The following ACSL5 variants were observed in gnomAD, a reference collection of about 807,000 sequenced individuals.
ACSL5 encodes long-chain-fatty-acid--CoA ligase 5.
A neutral mutation model predicts 84.9 loss-of-function variants in ACSL5; 50 were observed. The ratio of observed to expected loss-of-function variants is 0.59; its 90% CI spans 0.47 to 0.75. ACSL5 has a LOEUF of 0.75. ACSL5 is among the 30% of genes least tolerant of loss of function. The probability of loss-of-function intolerance (pLI) is 0.00; values close to 1 mark genes in which losing one functional copy is unlikely to be tolerated. For missense variants in ACSL5, 775 were observed against 830.4 expected (o/e 0.93, Z 0.82); for synonymous variants, 280 against 300.7 (o/e 0.93, Z 0.71).
intron 1 of ACSL5, chr10:112,394,640 G>C: frequency 1.3e-6 from 1 of 749,240 alleles, no homozygotes; most frequent in Non-Finnish European, 1.6e-6. Flanking sequence ...AAAATTGTTT[G>C]GGAAATGATT....
chr10:112,382,110 C>T (rs1037768943), intron 1 of ACSL5, among the ~76,000 whole-genome samples: 1 of 152,168 alleles, frequency 6.6e-6, no homozygotes, highest in South Asian at 2.1e-4. Flanking sequence ...GTGCTAAACA[C>T]ACTGCCTGGC....
intron 3 of ACSL5, 70 bp from the exon 4 acceptor site, chr10:112,404,441 C>A: frequency 8.3e-7 from 1 of 1,211,770 alleles, no homozygotes; most frequent in Non-Finnish European, 1.2e-6. Flanking sequence ...CCTTCTTAAT[C>A]TCCTTTTAGC....
intron 2 of ACSL5, 83 bp from the exon 3 acceptor site, chr10:112,398,817 TG>T: frequency 8.6e-7 from 1 of 1,164,236 alleles, no homozygotes; most frequent in Non-Finnish European, 1.3e-6. Context: ...TCGGCATTTA[TG>T]GTCTCTTTAA....
intron 14 of ACSL5, among the ~76,000 whole-genome samples, chr10:112,421,357 C>T (rs1589698715): frequency 1.3e-5 from 2 of 151,942 alleles, no homozygotes; most frequent in African/African-American, 2.4e-5. Flanking sequence ...GATGGGGTTT[C>T]ACCATGTTGG....
intron 14 of ACSL5, chr10:112,419,465 G>T (rs961586393): frequency 6.6e-6 from 1 of 152,106 alleles, no homozygotes; most frequent in African/African-American, 2.4e-5. Flanking sequence ...TATTTGAAAT[G>T]CTTGGGACTA....
chr10:112,411,573 C>T lies in ACSL5; in HGVS notation c.870+44C>T, dbSNP rs946292500. The T allele has an allele frequency of 2.6e-6, 4 of 1,556,316 alleles. No individual in the cohort carries two copies. In the East Asian group the frequency reaches 9.0e-5, roughly 35 times the overall value. On this transcript the variant is annotated intron_variant, in intron 10 of 20. Transcript: ENST00000354655. ...AAGAGGCTCTCATTAAAATGTGAAT[C>T]TGTCATAAGATTTTTATTTTTGAGG...
chr10:112,385,264 C>A (rs1413438034), intron 1 of ACSL5, among the ~76,000 whole-genome samples: 3 of 152,154 alleles, frequency 2.0e-5, no homozygotes, highest in Non-Finnish European at 4.4e-5. Flanking sequence ...TTATCTGCCC[C>A]AGGTCACAAA....
At chr10:112,418,936 A>G (rs1246355677) in intron 14 of ACSL5, 2 of 152,156 alleles carry the variant, frequency 1.3e-5, no homozygotes, top group African/African-American at 2.4e-5. Flanking sequence ...GAGCTGTGCC[A>G]TACAAACTTG....
chr10:112,422,538 C>G (rs1844491506), intron 17 of ACSL5, 97 bp downstream of exon 17: 6 of 1,115,370 alleles, frequency 5.4e-6, no homozygotes, highest in Non-Finnish European at 6.6e-6. Flanking sequence ...GTAGGTTAAT[C>G]AGCTGAGGCA....
At chr10:112,378,047 C>G (rs1012704782) in intron 1 of ACSL5, among the ~76,000 whole-genome samples, 1 of 152,022 alleles carries the variant, frequency 6.6e-6, no homozygotes, top group Non-Finnish European at 1.5e-5. Context: ...ACACCAACAA[C>G]AACATCAGCG....
chr10:112,388,852 C>T (rs1849503980), intron 1 of ACSL5, among the ~76,000 whole-genome samples: 1 of 152,186 alleles, frequency 6.6e-6, no homozygotes, highest in Non-Finnish European at 1.5e-5. Context: ...ATCAGCAATA[C>T]ACAACCATTT....
At chr10:112,375,757 C>A (rs1172941908) in intron 1 of ACSL5, among the ~76,000 whole-genome samples, 1 of 152,164 alleles carries the variant, frequency 6.6e-6, no homozygotes, top group African/African-American at 2.4e-5. Context: ...AGAAACCATG[C>A]CAATTGAACG....
intron 1 of ACSL5, among the ~76,000 whole-genome samples, chr10:112,378,643 G>C (rs1057087840): frequency 2.0e-5 from 3 of 152,154 alleles, no homozygotes; most frequent in African/African-American, 7.2e-5. Context: ...CCCTCAGCTG[G>C]AGTGCAGTCA....
At chr10:112,423,674 G>A (rs1844564057) in intron 17 of ACSL5, among the ~76,000 whole-genome samples, 1 of 152,088 alleles carries the variant, frequency 6.6e-6, no homozygotes, top group African/African-American at 2.4e-5. Flanking sequence ...TCTTTAACAG[G>A]TCAGGTAGAC....
intron 1 of ACSL5, among the ~76,000 whole-genome samples, chr10:112,384,361 TC>T (rs1849409136): frequency 6.6e-6 from 1 of 152,172 alleles, no homozygotes. Context: ...CCCTGCTATA[TC>T]CCCAGCACCT....
chr10:112,399,642 G>A (rs144674863), intron 3 of ACSL5, among the ~76,000 whole-genome samples: 23 of 152,330 alleles, frequency 1.5e-4, no homozygotes, highest in Non-Finnish European at 1.8e-4. Flanking sequence ...TTTAAAAGCT[G>A]CTGGCTTATA....
chr10:112,427,189 G>A, intron 20 of ACSL5, 29 bp from the exon 21 acceptor site: 1 of 1,597,156 alleles, frequency 6.3e-7, no homozygotes, highest in Non-Finnish European at 8.5e-7. Context: ...TCACTAATGA[G>A]CATGGATGTG....
intron 14 of ACSL5, 152 bp from the exon 15 acceptor site, chr10:112,421,441 A>C: frequency 1.5e-6 from 1 of 654,266 alleles, no homozygotes; most frequent in Non-Finnish European, 2.7e-6. Context: ...GATTACAGGC[A>C]TGAGCCACCG....
chr10:112,401,844 C>CT, intron 3 of ACSL5, among the ~76,000 whole-genome samples: 1 of 49,598 alleles, frequency 2.0e-5, no homozygotes, highest in East Asian at 6.2e-4. Flanking sequence ...TTCTTTCTTC[C>CT]TTCCTTCCTT....
Sources: allele counts gnomAD v4.1 joint callset (sites outside exome capture counted in the v4.1 genomes callset), GRCh38; gene constraint gnomAD v4.1.1; transcripts MANE v1.5; gene names NCBI Gene and HGNC (gene_info 2026-07-23, HGNC 2026-07-21).